NSD2: variants seen among roughly 807,000 people sequenced by gnomAD.
The protein encoded by NSD2 is nuclear receptor binding SET domain protein 2.
A neutral mutation model predicts 139.0 loss-of-function variants in NSD2; 12 were observed. The ratio of observed to expected loss-of-function variants is 0.09; its 90% CI spans 0.06 to 0.14. The LOEUF (loss-of-function observed/expected upper bound fraction) is 0.14, where lower values mean the gene tolerates loss of function less well. NSD2 is among the 10% of genes least tolerant of loss of function. The pLI, the probability that NSD2 is intolerant of heterozygous loss-of-function variation, is 1.00. For missense variants in NSD2, 1,155 were observed against 1,745.0 expected (o/e 0.66, Z 6.02); for synonymous variants, 669 against 648.7 (o/e 1.03, Z -0.48).
intron 3 of NSD2, among the ~76,000 whole-genome samples, chr4:1,909,187 G>A (rs1224560357): frequency 1.3e-5 from 2 of 152,000 alleles, no homozygotes; most frequent in Admixed American, 6.6e-5. Flanking sequence ...ACATGTCCCC[G>A]TCAGCCCTTG....
intron 1 of NSD2, among the ~76,000 whole-genome samples, chr4:1,871,765 G>T (rs912204499): frequency 2.0e-5 from 3 of 149,430 alleles, no homozygotes; most frequent in African/African-American, 4.9e-5. Context: ...GGACCGCGAG[G>T]ACCGCGGAGG....
In NSD2 at chr4:1,942,357, C is replaced by T. The variant is rs760495462; in HGVS notation, c.1881+2579C>T. On this transcript the variant is annotated intron_variant, in intron 9 of 21. Transcript: ENST00000508803. This position sits in a 1 kb window ranked among gnomAD's most constrained non-coding sequence, Gnocchi z 4.0. ...GTAACAGCTTTTGTGGGAGCCCACA[C>T]CAGTCAAGTTGGATTTGAACCCAGC... The T allele has an allele frequency of 5.6e-6, 9 of 1,613,798 alleles. No homozygotes were observed. Among genetic ancestry groups the T allele is most frequent in the East Asian group, 2.2e-5 (1 of 44,866 alleles).
At chr4:1,898,115 C>G (rs1321474222) in intron 1 of NSD2, among the ~76,000 whole-genome samples, 1 of 151,712 alleles carries the variant, frequency 6.6e-6, no homozygotes, top group African/African-American at 2.4e-5. Context: ...TTTTTACAGT[C>G]TTGCTCTGTA....
intron 1 of NSD2, among the ~76,000 whole-genome samples, chr4:1,899,928 C>T (rs1031802506): frequency 1.6e-4 from 24 of 152,154 alleles, no homozygotes; most frequent in African/African-American, 4.3e-4. Flanking sequence ...GGCCTGAACA[C>T]GGAGGGGATT....
intron 3 of NSD2, among the ~76,000 whole-genome samples, chr4:1,910,195 C>G (rs972667564): frequency 1.3e-5 from 2 of 151,694 alleles, no homozygotes; most frequent in East Asian, 3.9e-4. Context: ...TAGTATCTAC[C>G]AGGGCACCTA....
At chr4:1,941,136 T>A in intron 9 of NSD2, 1 of 1,053,794 alleles carries the variant, frequency 9.5e-7, no homozygotes, top group Non-Finnish European at 1.1e-6. Flanking sequence ...TTATTTTTCC[T>A]TTTTCCTTTC....
intron 9 of NSD2, chr4:1,947,115 C>G (rs1723716462): frequency 9.4e-7 from 1 of 1,065,070 alleles, no homozygotes; most frequent in Admixed American, 5.3e-5. Flanking sequence ...TCCTCAAGTC[C>G]TTCGCAGACA....
At chr4:1,922,365 T>C (rs1202508018) in intron 5 of NSD2, among the ~76,000 whole-genome samples, 1 of 152,194 alleles carries the variant, frequency 6.6e-6, no homozygotes, top group African/African-American at 2.4e-5. Context: ...TACTGCGGAA[T>C]CAATATTACG....
intron 3 of NSD2, among the ~76,000 whole-genome samples, chr4:1,907,798 A>T (rs562524741): frequency 3.9e-5 from 6 of 152,210 alleles, no homozygotes; most frequent in African/African-American, 1.4e-4. Context: ...TTTTTAGTAC[A>T]AATGGGGTTT....
chr4:1,938,387 C>CTTTTTTTTTTTTTTTTTTTTTTTT (rs1722658170), intron 7 of NSD2, 64 bp from the exon 8 acceptor site: 2 of 1,092,438 alleles, frequency 1.8e-6, no homozygotes, highest in Admixed American at 4.5e-5. Flanking sequence ...CTTTTTTTTT[C>CTTTTTTTTTTTTTTTTTTTTTTTT]CTTTTTTTCT....
At position 1,933,415 on chromosome 4, in the gene NSD2, C is replaced by G. The variant is rs181310238; in HGVS notation, c.1556-1729C>G. ...ATGTTTTTTTTCTTTGAGTTGGAGT[C>G]TTGCTCTGTCGCCCAGGCGGCTGGA... On this transcript the variant is annotated intron_variant, in intron 6 of 21. Coordinates refer to ENST00000508803, the MANE Select transcript of NSD2 (RefSeq NM_001042424.3). 2.0e-5 allele frequency among the ~76,000 whole-genome samples: 3 copies of G among 152,324 alleles called. No individual in the cohort carries two copies. In the East Asian group the frequency reaches 5.8e-4, roughly 29 times the overall value.
intron 1 of NSD2, among the ~76,000 whole-genome samples, chr4:1,900,368 G>A (rs992059834): frequency 3.5e-4 from 53 of 152,164 alleles, no homozygotes; most frequent in Non-Finnish European, 4.7e-4. Flanking sequence ...GGTATGACTG[G>A]AGTGTGCTGT....
chr4:1,894,201 C>G (rs373317595), intron 1 of NSD2, among the ~76,000 whole-genome samples: 1 of 152,118 alleles, frequency 6.6e-6, no homozygotes, highest in East Asian at 1.9e-4. Context: ...GAGTGATCTT[C>G]CCACTTCAGC....
intron 12 of NSD2, among the ~76,000 whole-genome samples, chr4:1,954,049 G>C (rs1336473295): frequency 1.3e-5 from 2 of 151,412 alleles, no homozygotes; most frequent in African/African-American, 2.4e-5. Context: ...GCAGTGGCAC[G>C]ATCTCAGCTC....
At position 1,945,782 on chromosome 4, in the gene NSD2, T is replaced by C. The variant is rs532700980; in HGVS notation, c.1882-5290T>C. ...AGTCACTGCGTCTGGGCCTGAGACG[T>C]GCATGGAGGGCTGTAAAGCCACGGA... is the stretch of plus-strand genomic sequence containing the variant. On this transcript the variant is annotated intron_variant, in intron 9 of 21. Transcript: ENST00000508803. 2.5e-5 allele frequency: 27 copies of C among 1,064,464 alleles called. No individual in the cohort carries two copies. The East Asian group carries it at 1.1e-3, about 45-fold the overall frequency. The allele number at this position is 1,064,464 out of a possible 1,614,324, so 65.9% of individuals were successfully genotyped here. A position where few individuals can be genotyped will look rare whatever the true frequency, so the allele number is the denominator to read the frequency against.
chr4:1,893,475 AAAAT>A (rs1175310705), intron 1 of NSD2, among the ~76,000 whole-genome samples: 6 of 152,240 alleles, frequency 3.9e-5, no homozygotes, highest in East Asian at 1.9e-4. Context: ...TTTCAATAAA[AAAAT>A]AAATAAATAA....
chr4:1,904,419 G>A (rs1717613035), intron 3 of NSD2, 41 bp downstream of exon 3: 1 of 1,563,146 alleles, frequency 6.4e-7, no homozygotes, highest in African/African-American at 1.4e-5. Flanking sequence ...TTTCTCTTCT[G>A]CACTTAATCT....
Position 1,956,211 on chromosome 4 carries a change from A to G in NSD2, c.2881+23A>G. The G allele has an allele frequency of 1.3e-6, 2 of 1,559,758 alleles. No homozygotes were observed. Among genetic ancestry groups the G allele is most frequent in the Non-Finnish European group, 1.7e-6 (2 of 1,151,744 alleles). ...ACGGTACGGAGATATTCAGATAGAGAGTGAGACAGCACTCTCGTGCATTTT... is the reference window on the plus strand; with the variant it reads ...ACGGTACGGAGATATTCAGATAGAGGGTGAGACAGCACTCTCGTGCATTTT... On this transcript the variant is annotated intron_variant, in intron 15 of 21. Coordinates refer to ENST00000508803, the MANE Select transcript of NSD2 (RefSeq NM_001042424.3). The surrounding 1 kb of genome is among the most constrained non-coding windows in gnomAD (Gnocchi z 5.3).
chr4:1,942,437 C>T lies in NSD2; in HGVS notation c.1881+2659C>T, dbSNP rs753228372. 16 of 1,598,520 alleles carry T rather than the reference C, an allele frequency of 1.0e-5. No individual in the cohort carries two copies. Among genetic ancestry groups the T allele is most frequent in the East Asian group, 9.0e-5 (4 of 44,548 alleles). ...TATTCCAGGATGCTGCTGCAGGTGG[C>T]GTATCATCGTACACACTCAGTGACA... On this transcript the variant is annotated intron_variant, in intron 9 of 21. Transcript: ENST00000508803. This position sits in a 1 kb window ranked among gnomAD's most constrained non-coding sequence, Gnocchi z 4.0.
Sources: allele counts gnomAD v4.1 joint callset (sites outside exome capture counted in the v4.1 genomes callset), GRCh38; gene constraint gnomAD v4.1.1; non-coding constraint Gnocchi (gnomAD v3.1); transcripts MANE v1.5; gene names NCBI Gene and HGNC (gene_info 2026-07-23, HGNC 2026-07-21).